CAMTA1: variants seen among roughly 807,000 people sequenced by gnomAD.
The protein encoded by CAMTA1 is calmodulin binding transcription activator 1, also known as calmodulin-binding transcription activator 1.
In CAMTA1, 27 loss-of-function variants were observed where a neutral mutation model predicts 170.9. The observed-to-expected ratio is 0.16, with a 90% CI of 0.12 to 0.22. CAMTA1 has a LOEUF of 0.22. Ranked by LOEUF, CAMTA1 falls within the 10% of genes least tolerant of loss-of-function variation. The probability of loss-of-function intolerance (pLI) is 1.00; values close to 1 mark genes in which losing one functional copy is unlikely to be tolerated. For missense variants in CAMTA1, 1,619 were observed against 2,217.2 expected (o/e 0.73, Z 5.42); for synonymous variants, 833 against 891.5 (o/e 0.93, Z 1.17).
chr1:6,915,860 G>A (rs761734307), intron 3 of CAMTA1, among the ~76,000 whole-genome samples: 3 of 152,210 alleles, frequency 2.0e-5, no homozygotes, highest in Non-Finnish European at 4.4e-5. Flanking sequence ...CTCCAAGACC[G>A]TCTATCCTAC....
In CAMTA1 at chr1:7,050,449, C is replaced by T. The variant is rs982212950; in HGVS notation, c.235-40855C>T. Among the ~76,000 whole-genome samples the T allele has an allele frequency of 4.6e-5, 7 of 152,068 alleles. No individual in the cohort carries two copies. The East Asian group carries it at 7.7e-4, about 17-fold the overall frequency. On this transcript the variant is annotated intron_variant, in intron 3 of 22. Transcript: ENST00000303635. This position sits in a 1 kb window ranked among gnomAD's most constrained non-coding sequence, Gnocchi z 4.8. ...GCTCATTGCCACTCTGGGTCCCGAC[C>T]GGGTGTGGGTTCAGATGAAGACTCT...
chr1:7,497,488 G>A (rs555596257), intron 6 of CAMTA1, among the ~76,000 whole-genome samples: 1 of 152,340 alleles, frequency 6.6e-6, no homozygotes, highest in African/African-American at 2.4e-5. Context: ...CCCCAGCCCT[G>A]CATGCTGGCA....
Position 7,664,853 on chromosome 1 carries a change from T to G in CAMTA1, c.2306T>G (p.Phe769Cys), listed in dbSNP as rs758876354. Residue 769 changes from phenylalanine to cysteine, a missense_variant, in exon 9 of 23, where the codon TTC becomes TGC. Transcript: ENST00000303635. ...AGCCTGGACCACTTTGACATCTCCT[T>G]CAGCAACCAGTTCTCCGACCTGATC... ...ELSLDHFDISFSNQFSDLIND... is the reference protein window; with the variant it reads ...ELSLDHFDISCSNQFSDLIND... 6.2e-7 allele frequency: 1 copy of G among 1,613,374 alleles called. No homozygotes were observed. The highest frequency in any genetic ancestry group is 1.1e-5 in the South Asian group (1 of 91,082).
chr1:7,488,535 T>C (rs2093650417), intron 6 of CAMTA1, among the ~76,000 whole-genome samples: 1 of 151,966 alleles, frequency 6.6e-6, no homozygotes, highest in Non-Finnish European at 1.5e-5. Context: ...ACAATACACA[T>C]GCACACACAT....
intron 3 of CAMTA1, among the ~76,000 whole-genome samples, chr1:6,990,075 C>T (rs147708962): frequency 3.3e-5 from 5 of 152,220 alleles, no homozygotes; most frequent in Admixed American, 6.5e-5. Context: ...CATCTGCAGA[C>T]GGGCTGGGAG....
At chr1:7,373,512 G>A (rs1043648920) in intron 5 of CAMTA1, among the ~76,000 whole-genome samples, 12 of 152,184 alleles carry the variant, frequency 7.9e-5, no homozygotes, top group Admixed American at 2.6e-4. Context: ...TGGTGGCTAC[G>A]TGGCCTCCAC....
intron 6 of CAMTA1, among the ~76,000 whole-genome samples, chr1:7,510,648 G>T (rs2094191128): frequency 6.8e-6 from 1 of 146,390 alleles, no homozygotes; most frequent in Non-Finnish European, 1.5e-5. Flanking sequence ...TCTTTCAAGT[G>T]ATGAAATTCT....
chr1:7,386,248 C>A (rs920697929), intron 5 of CAMTA1, among the ~76,000 whole-genome samples: 6 of 152,234 alleles, frequency 3.9e-5, no homozygotes, highest in African/African-American at 1.4e-4. Context: ...GTCAGCTTCG[C>A]AGGCCCAAGA....
At chr1:6,830,864 G>A (rs1205193127) in intron 3 of CAMTA1, among the ~76,000 whole-genome samples, 1 of 151,916 alleles carries the variant, frequency 6.6e-6, no homozygotes, top group Non-Finnish European at 1.5e-5. Flanking sequence ...TGTCGCCCAG[G>A]CTGGAGTGCA....
At chr1:7,212,967 T>C (rs1324451760) in intron 4 of CAMTA1, among the ~76,000 whole-genome samples, 1 of 152,260 alleles carries the variant, frequency 6.6e-6, no homozygotes, top group Non-Finnish European at 1.5e-5. Context: ...TGCTGAGTGA[T>C]GTACCATAGA....
chr1:7,348,431 T>C (rs1305171322), intron 5 of CAMTA1, among the ~76,000 whole-genome samples: 1 of 152,142 alleles, frequency 6.6e-6, no homozygotes, highest in Non-Finnish European at 1.5e-5. Context: ...TTGATGGTCC[T>C]GGGGGTCGTG....
chr1:7,647,053 G>A (rs1185725473), intron 7 of CAMTA1, among the ~76,000 whole-genome samples: 1 of 152,184 alleles, frequency 6.6e-6, no homozygotes, highest in Non-Finnish European at 1.5e-5. Context: ...AGCAGTGGCT[G>A]CAGTGGCAGA....
chr1:7,701,841 C>G (rs192617904), intron 11 of CAMTA1, among the ~76,000 whole-genome samples: 1 of 152,174 alleles, frequency 6.6e-6, no homozygotes, highest in Non-Finnish European at 1.5e-5. Context: ...CCCATAAAAA[C>G]CCAGTGTAAC....
At chr1:7,461,928 C>CCGTAGAGAG (rs2093098778) in intron 5 of CAMTA1, among the ~76,000 whole-genome samples, 1 of 152,262 alleles carries the variant, frequency 6.6e-6, no homozygotes, top group African/African-American at 2.4e-5. Flanking sequence ...CTCCCATACG[C>CCGTAGAGAG]CTGGGCCATG....
intron 3 of CAMTA1, among the ~76,000 whole-genome samples, chr1:6,937,400 C>A (rs1389068573): frequency 6.6e-6 from 1 of 151,376 alleles, no homozygotes; most frequent in Non-Finnish European, 1.5e-5. Flanking sequence ...ACTATCATCA[C>A]CATCACCATC....
intron 5 of CAMTA1, among the ~76,000 whole-genome samples, chr1:7,323,073 A>T (rs1005754901): frequency 7.7e-6 from 1 of 129,532 alleles, no homozygotes. Context: ...CCATGTGTCT[A>T]TTGTTTTATT....
chr1:7,755,132 C>A (rs939845979), intron 21 of CAMTA1, among the ~76,000 whole-genome samples: 1 of 151,908 alleles, frequency 6.6e-6, no homozygotes, highest in Non-Finnish European at 1.5e-5. Context: ...TTGAGACCAG[C>A]CTGGCCGACA....
At chr1:6,816,283 G>T (rs1297770634) in intron 1 of CAMTA1, among the ~76,000 whole-genome samples, 1 of 152,020 alleles carries the variant, frequency 6.6e-6, no homozygotes, top group Non-Finnish European at 1.5e-5. Context: ...TCCTTTATAG[G>T]AATTTACCCC....
At chr1:7,550,891 C>G (rs2094792014) in intron 6 of CAMTA1, among the ~76,000 whole-genome samples, 1 of 152,002 alleles carries the variant, frequency 6.6e-6, no homozygotes, top group Non-Finnish European at 1.5e-5. Flanking sequence ...CTCCCAGGCC[C>G]AGCAGCAGCC....
Sources: allele counts gnomAD v4.1 joint callset (sites outside exome capture counted in the v4.1 genomes callset), GRCh38; gene constraint gnomAD v4.1.1; non-coding constraint Gnocchi (gnomAD v3.1); transcripts MANE v1.5; gene names NCBI Gene and HGNC (gene_info 2026-07-23, HGNC 2026-07-21).